GRM8: variants seen among roughly 807,000 people sequenced by gnomAD.
GRM8 encodes metabotropic glutamate receptor 8.
A neutral mutation model predicts 87.2 loss-of-function variants in GRM8; 47 were observed. The ratio of observed to expected loss-of-function variants is 0.54; its 90% CI spans 0.43 to 0.69. GRM8 has a LOEUF of 0.69. Ranked by LOEUF, GRM8 falls within the 30% of genes least tolerant of loss-of-function variation. The pLI, the probability that GRM8 is intolerant of heterozygous loss-of-function variation, is 0.00. For missense variants in GRM8, 1,019 were observed against 1,139.2 expected (o/e 0.89, Z 1.52); for synonymous variants, 396 against 404.5 (o/e 0.98, Z 0.25).
intron 7 of GRM8, among the ~76,000 whole-genome samples, chr7:126,640,922 A>G (rs1053526319): frequency 3.9e-5 from 6 of 152,152 alleles, no homozygotes; most frequent in African/African-American, 1.4e-4. Context: ...CTGCTCGGTA[A>G]TATGTCATTA....
At chr7:127,113,096 T>G (rs17865065) in intron 2 of GRM8, among the ~76,000 whole-genome samples, 15,372 of 152,134 alleles carry the variant, frequency 0.1, 2,623 homozygotes, top group African/African-American at 0.35. Flanking sequence ...TCCAAGGGGA[T>G]CAGAGACTTT....
At chr7:126,595,578 T>A (rs1254423123) in intron 8 of GRM8, among the ~76,000 whole-genome samples, 4 of 151,986 alleles carry the variant, frequency 2.6e-5, no homozygotes, top group African/African-American at 9.7e-5. Flanking sequence ...AGGTTTGTTA[T>A]ACAGGTAAAG....
At chr7:126,878,681 G>A (rs1799750337) in intron 6 of GRM8, among the ~76,000 whole-genome samples, 1 of 151,864 alleles carries the variant, frequency 6.6e-6, no homozygotes, top group South Asian at 2.1e-4. Flanking sequence ...CATCATGCCT[G>A]GCTAATTTAT....
chr7:126,877,989 A>G (rs1799678840), intron 6 of GRM8, among the ~76,000 whole-genome samples: 1 of 152,194 alleles, frequency 6.6e-6, no homozygotes, highest in Non-Finnish European at 1.5e-5. Context: ...ATTTACAATG[A>G]TGAAACATTG....
rs191992240 is a variant in GRM8, at chr7:127,147,798, G to A, written c.511-41086C>T. ...CATGTTTTTATGTTGTTTACCCAGAGAAAGAATATTAGAGCTTTGTAAAAT... is the reference window on the plus strand; with the variant it reads ...CATGTTTTTATGTTGTTTACCCAGAAAAAGAATATTAGAGCTTTGTAAAAT... On this transcript the variant is annotated intron_variant, in intron 2 of 10. Transcript: ENST00000339582. Among the ~76,000 whole-genome samples the A allele has an allele frequency of 1.2e-3, 176 of 152,024 alleles. 1 individual carries two copies. The highest frequency in any genetic ancestry group is 4.2e-3 in the African/African-American group (175 of 41,490).
chr7:126,529,482 C>T (rs2150836389), intron 9 of GRM8, among the ~76,000 whole-genome samples: 1 of 152,300 alleles, frequency 6.6e-6, no homozygotes, highest in South Asian at 2.1e-4. Flanking sequence ...TGACAACCAG[C>T]TTTCTGACTT....
At chr7:126,772,098 C>G (rs1818905098) in intron 6 of GRM8, among the ~76,000 whole-genome samples, 2 of 152,058 alleles carry the variant, frequency 1.3e-5, no homozygotes, top group Admixed American at 6.6e-5. Flanking sequence ...TAAGTAAATA[C>G]TGAAGGATGG....
At chr7:127,206,623 C>T (rs1795926121) in intron 2 of GRM8, among the ~76,000 whole-genome samples, 1 of 145,294 alleles carries the variant, frequency 6.9e-6, no homozygotes, top group Admixed American at 6.6e-5. Flanking sequence ...CACAAAACTT[C>T]AGAAAACTCC....
At chr7:126,841,409 T>G (rs76818744) in intron 6 of GRM8, among the ~76,000 whole-genome samples, 3,060 of 152,232 alleles carry the variant, frequency 0.02, 94 homozygotes, top group African/African-American at 0.068. Context: ...CTAGCCCCTC[T>G]GATATGGTGG....
rs1662614324 is a variant in GRM8 at position 126,502,551 on chromosome 7, A to G, written c.2430+30401T>C. On this transcript the variant is annotated intron_variant, in intron 9 of 10. Coordinates refer to ENST00000339582, the MANE Select transcript of GRM8 (RefSeq NM_000845.3). ...AGAAAGTTTGCTAAAATATTTACAG[A>G]AGAGGAAAACATTGGTTTATGTACT... Among the ~76,000 whole-genome samples, 4 of 152,220 alleles carry G rather than the reference A, an allele frequency of 2.6e-5. 1 individual carries two copies. Among genetic ancestry groups the G allele is most frequent in the African/African-American group, 9.6e-5 (4 of 41,572 alleles).
intron 8 of GRM8, among the ~76,000 whole-genome samples, chr7:126,574,285 T>C (rs542100219): frequency 6.6e-6 from 1 of 152,316 alleles, no homozygotes; most frequent in Non-Finnish European, 1.5e-5. Context: ...TGGCAGAACA[T>C]TGAACTCCTC....
intron 7 of GRM8, among the ~76,000 whole-genome samples, chr7:126,641,265 C>CG (rs1238504432): frequency 6.6e-6 from 1 of 152,190 alleles, no homozygotes; most frequent in African/African-American, 2.4e-5. Context: ...AACTGACCAT[C>CG]TACTGTTCTG....
intron 7 of GRM8, among the ~76,000 whole-genome samples, chr7:126,744,983 G>T (rs990069183): frequency 1.7e-4 from 26 of 151,120 alleles, no homozygotes; most frequent in African/African-American, 6.3e-4. Context: ...ATTATTTTTA[G>T]AATGTAACTT....
At chr7:126,439,579 G>C (rs1801218835) in intron 10 of GRM8, among the ~76,000 whole-genome samples, 1 of 152,180 alleles carries the variant, frequency 6.6e-6, no homozygotes. Flanking sequence ...CTATGTTGCT[G>C]GTTTAAATAT....
chr7:127,220,224 C>A (rs943574171), intron 2 of GRM8, among the ~76,000 whole-genome samples: 3 of 152,138 alleles, frequency 2.0e-5, no homozygotes, highest in African/African-American at 7.2e-5. Flanking sequence ...TCACTAGCCC[C>A]CAGAGCTGTC....
At chr7:127,220,570 T>C (rs1318737357) in intron 2 of GRM8, among the ~76,000 whole-genome samples, 1 of 152,100 alleles carries the variant, frequency 6.6e-6, no homozygotes, top group African/African-American at 2.4e-5. Context: ...CTATAGCCTC[T>C]ACCTCCCAGG....
At chr7:126,716,155 C>CT (rs1460045822) in intron 7 of GRM8, among the ~76,000 whole-genome samples, 1 of 152,038 alleles carries the variant, frequency 6.6e-6, no homozygotes, top group African/African-American at 2.4e-5. Context: ...GGCAGGAAAA[C>CT]TGAATAAACA....
chr7:126,507,357 T>C (rs748429426), intron 9 of GRM8, among the ~76,000 whole-genome samples: 10 of 152,098 alleles, frequency 6.6e-5, no homozygotes, highest in Non-Finnish European at 1.5e-4. Context: ...ATTTATAAAA[T>C]TGAATAAAAA....
rs184342296 is a variant in GRM8, at chr7:127,073,608, G to A, written c.727+32888C>T. 2.0e-5 allele frequency among the ~76,000 whole-genome samples: 3 copies of A among 152,202 alleles called. No individual in the cohort carries two copies. The East Asian group carries it at 5.8e-4, about 29-fold the overall frequency. ...TTTTGTCTAACTCCACAGGCTGATT[G>A]GCTTGGCTTTCCCAAAGTCTATGAA... is the stretch of plus-strand genomic sequence containing the variant. On this transcript the variant is annotated intron_variant, in intron 3 of 10. Coordinates refer to ENST00000339582, the MANE Select transcript of GRM8 (RefSeq NM_000845.3).
Sources: allele counts gnomAD v4.1 joint callset (sites outside exome capture counted in the v4.1 genomes callset), GRCh38; gene constraint gnomAD v4.1.1; transcripts MANE v1.5; gene names NCBI Gene and HGNC (gene_info 2026-07-23, HGNC 2026-07-21).